Variants in ATP1B2 observed in about 807,000 individuals in gnomAD.
ATP1B2 encodes the protein ATPase Na+/K+ transporting subunit beta 2, also known as sodium/potassium-transporting ATPase subunit beta-2.
A neutral mutation model predicts 37.3 loss-of-function variants in ATP1B2; 12 were observed. The ratio of observed to expected loss-of-function variants is 0.32; its 90% CI spans 0.21 to 0.52. The LOEUF is 0.52. Ranked by LOEUF, ATP1B2 falls within the 20% of genes least tolerant of loss-of-function variation. The probability of loss-of-function intolerance (pLI) is 0.96; values close to 1 mark genes in which losing one functional copy is unlikely to be tolerated. For synonymous variants in ATP1B2, 139 were observed against 140.5 expected, an observed-to-expected ratio of 0.99 and a Z score of 0.07; for missense variants, 324 against 391.6, an observed-to-expected ratio of 0.83 and a Z score of 1.46.
rs2072665733 is a variant in ATP1B2 at position 7,657,747 on chromosome 17, A to G, written c.*1852A>G. ...TAAAATAAAATGAGAGCAATTATAT[A>G]TATAAATATATATCATACACAGAGC... On this transcript the variant is annotated 3_prime_UTR_variant, in exon 7 of 7. Transcript: ENST00000250111. 6.6e-6 allele frequency: 1 copy of G among 152,526 alleles called. No individual in the cohort carries two copies. Among genetic ancestry groups the G allele is most frequent in the South Asian group, 2.1e-4 (1 of 4,828 alleles). The allele number at this position is 152,526 out of a possible 1,614,324, so 9.4% of individuals were successfully genotyped here.
chr17:7,647,373 G>C (rs1244942905), upstream of ATP1B2, among the ~76,000 whole-genome samples: 1 of 152,174 alleles, frequency 6.6e-6, no homozygotes, highest in African/African-American at 2.4e-5. Context: ...GGAAGCTGAA[G>C]ATAGAAAAAT....
Position 7,654,802 on chromosome 17 carries a change from A to AC in ATP1B2, c.609+120dup. On this transcript the variant is annotated intron_variant, in intron 5 of 6. Coordinates refer to ENST00000250111, the MANE Select transcript of ATP1B2 (RefSeq NM_001678.5). The surrounding 1 kb of genome is among the most constrained non-coding windows in gnomAD (Gnocchi z 4.9). ...CTTCTTTGCTCCTAGAGGCCCCATCACCATAGAAACAAGGGGGTAAGAGTG... is the reference window on the plus strand; with the variant it reads ...CTTCTTTGCTCCTAGAGGCCCCATCACCCATAGAAACAAGGGGGTAAGAGTG... The AC allele has an allele frequency of 8.2e-7, 1 of 1,225,796 alleles. No individual in the cohort carries two copies. The highest frequency in any genetic ancestry group is 1.2e-6 in the Non-Finnish European group (1 of 845,420). 75.9% of individuals were successfully genotyped at this position (1,225,796 alleles called of 1,614,324 possible). A position where few individuals can be genotyped will look rare whatever the true frequency, so the allele number is the denominator to read the frequency against.
At chr17:7,648,604 T>C (rs1328713075), upstream of ATP1B2, among the ~76,000 whole-genome samples, 1 of 144,052 alleles carries the variant, frequency 6.9e-6, no homozygotes. Flanking sequence ...AAAAAGTTTA[T>C]ATTTTAGTGC....
chr17:7,657,737 G>A lies in ATP1B2; in HGVS notation c.*1842G>A, dbSNP rs1198343901. ...GAGGATTAAGTAAAATAAAATGAGA[G>A]CAATTATATATATAAATATATATCA... On this transcript the variant is annotated 3_prime_UTR_variant, in exon 7 of 7. Transcript: ENST00000250111. 1 of 152,476 alleles carries A rather than the reference G, an allele frequency of 6.6e-6. No homozygotes were observed. The highest frequency in any genetic ancestry group is 1.5e-5 in the Non-Finnish European group (1 of 68,022). 9.4% of individuals were successfully genotyped at this position (152,476 alleles called of 1,614,324 possible). A position where few individuals can be genotyped will look rare whatever the true frequency, so the allele number is the denominator to read the frequency against.
chr17:7,652,685 C>T (rs1350616191), intron 1 of ATP1B2, among the ~76,000 whole-genome samples: 1 of 152,116 alleles, frequency 6.6e-6, no homozygotes, highest in East Asian at 1.9e-4. Flanking sequence ...ACAGCCGGCC[C>T]TTGGGTCCTT....
upstream of ATP1B2, among the ~76,000 whole-genome samples, chr17:7,649,395 T>C (rs1431753947): frequency 6.6e-6 from 1 of 151,120 alleles, no homozygotes; most frequent in Admixed American, 6.6e-5. Flanking sequence ...TTTTTTTTTC[T>C]CTCTTTTTTT....
In ATP1B2 at chr17:7,655,375, C is replaced by T; in HGVS notation, c.610-152C>T. The T allele has an allele frequency of 1.4e-6, 1 of 691,586 alleles. No individual in the cohort carries two copies. The highest frequency in any genetic ancestry group is 2.5e-6 in the Non-Finnish European group (1 of 401,276). The allele number at this position is 691,586 out of a possible 1,614,324, so 42.8% of individuals were successfully genotyped here. Reference sequence around the variant, plus strand: ...TCATCTACACACGCACATGCAGACACACACACACAGACTCACAGCTCCAGG... The same window carrying T: ...TCATCTACACACGCACATGCAGACATACACACACAGACTCACAGCTCCAGG... On this transcript the variant is annotated intron_variant, in intron 5 of 6. Coordinates refer to ENST00000250111, the MANE Select transcript of ATP1B2 (RefSeq NM_001678.5). This position sits in a 1 kb window ranked among gnomAD's most constrained non-coding sequence, Gnocchi z 4.4.
rs2072640985 is a variant in ATP1B2 at position 7,655,064 on chromosome 17, AGCT to A, written c.609+385_609+387del. Among the ~76,000 whole-genome samples, 1 of 151,972 alleles carries A rather than the reference AGCT, an allele frequency of 6.6e-6. No individual in the cohort carries two copies. On this transcript the variant is annotated intron_variant, in intron 5 of 6. Transcript: ENST00000250111. This position sits in a 1 kb window ranked among gnomAD's most constrained non-coding sequence, Gnocchi z 4.4. ...CGTCAGTTCCTTCTAGGTGTCTGGT[AGCT>A]GCTGATCTGTTAGCACCATCTGCCA...
chr17:7,651,307 G>T lies in ATP1B2; in HGVS notation c.-212G>T. On this transcript the variant is annotated 5_prime_UTR_variant, in exon 1 of 7. Coordinates refer to ENST00000250111, the MANE Select transcript of ATP1B2 (RefSeq NM_001678.5). The stretch of plus-strand genomic sequence containing the variant: ...TTTTCATCGCAGTTGGGGGGCCTAG[G>T]ATCGGTGCATCTTCCGCCGCGCTGC... The T allele has an allele frequency of 1.7e-6, 1 of 574,024 alleles. No individual in the cohort carries two copies. Among genetic ancestry groups the T allele is most frequent in the South Asian group, 2.0e-5 (1 of 50,836 alleles). The allele number at this position is 574,024 out of a possible 1,614,324, so 35.6% of individuals were successfully genotyped here. A position where few individuals can be genotyped will look rare whatever the true frequency, so the allele number is the denominator to read the frequency against.
Position 7,654,005 on chromosome 17 carries a change from G to A in ATP1B2, c.347-47G>A, listed in dbSNP as rs774734165. 1 of 1,612,902 alleles carries A rather than the reference G, an allele frequency of 6.2e-7. No homozygotes were observed. Among genetic ancestry groups the A allele is most frequent in the Non-Finnish European group, 8.5e-7 (1 of 1,178,896 alleles). ...CTTCGGGCAGGGGACTGGGGACCTT[G>A]GAAGTGGAACATCTGGCCCCTGAGT... On this transcript the variant is annotated intron_variant, in intron 3 of 6. Transcript: ENST00000250111. This position sits in a 1 kb window ranked among gnomAD's most constrained non-coding sequence, Gnocchi z 4.9.
upstream of ATP1B2, among the ~76,000 whole-genome samples, chr17:7,646,977 G>A (rs146457655): frequency 1.3e-5 from 2 of 151,960 alleles, no homozygotes; most frequent in East Asian, 3.9e-4. Flanking sequence ...CAGGCATTTA[G>A]CCCGGTGAGA....
rs1329973568 is a variant in ATP1B2 at position 7,656,184 on chromosome 17, G to C, written c.*289G>C. On this transcript the variant is annotated 3_prime_UTR_variant, in exon 7 of 7. Coordinates refer to ENST00000250111, the MANE Select transcript of ATP1B2 (RefSeq NM_001678.5). ...CTTTCTAGTTCTGGTTTAGCTGTGA[G>C]AGCTATCCACTCTCCTGCCTGCATA... The C allele has an allele frequency of 6.1e-5, 28 of 458,356 alleles. No individual in the cohort carries two copies. The East Asian group carries it at 1.1e-3, about 18-fold the overall frequency. The allele number at this position is 458,356 out of a possible 1,614,324, so 28.4% of individuals were successfully genotyped here. A position where few individuals can be genotyped will look rare whatever the true frequency, so the allele number is the denominator to read the frequency against.
chr17:7,648,108 C>T (rs1255716365), upstream of ATP1B2, among the ~76,000 whole-genome samples: 2 of 150,218 alleles, frequency 1.3e-5, no homozygotes, highest in African/African-American at 2.5e-5. Flanking sequence ...GGCATGGTGG[C>T]CTGTGCCTGT....
upstream of ATP1B2, among the ~76,000 whole-genome samples, chr17:7,650,615 C>T (rs952876970): frequency 7.2e-5 from 11 of 152,274 alleles, no homozygotes; most frequent in East Asian, 1.7e-3. Context: ...GGGCCCCCAC[C>T]TTTGAGCATA....
chr17:7,650,429 T>G (rs1395271002), upstream of ATP1B2, among the ~76,000 whole-genome samples: 1 of 151,924 alleles, frequency 6.6e-6, no homozygotes, highest in Non-Finnish European at 1.5e-5. Flanking sequence ...GGGGTGGCCT[T>G]TATCCATCTC....
At chr17:7,650,402 A>G (rs1418847299), upstream of ATP1B2, among the ~76,000 whole-genome samples, 2 of 152,094 alleles carry the variant, frequency 1.3e-5, no homozygotes, top group African/African-American at 2.4e-5. Context: ...GGCTCCCAAC[A>G]GGGGAACGTC....
At chr17:7,653,808 G>T in intron 2 of ATP1B2, 33 bp from the exon 3 acceptor site, 2 of 1,600,112 alleles carry the variant, frequency 1.2e-6, no homozygotes, top group Non-Finnish European at 1.7e-6. Context: ...TCATCTTATA[G>T]ATACCCCCAA....
chr17:7,654,150 G>A lies in ATP1B2; in HGVS notation c.445G>A (p.Ala149Thr). ...DNGVLNYPKR[A>T]CQFNRTQLGN... ...TGGAGTCCTCAACTACCCCAAACGT[G>A]CCTGCCAATTCAACCGGACCCAGCT... The change falls in exon 4 of 7, where the codon GCC becomes ACC. Residue 149 changes from alanine to threonine, a missense_variant. Ala to Thr is a moderately conservative substitution (Grantham distance 58). Coordinates refer to ENST00000250111, the MANE Select transcript of ATP1B2 (RefSeq NM_001678.5). This position sits in a 1 kb window ranked among gnomAD's most constrained non-coding sequence, Gnocchi z 4.9. 1 of 1,614,154 alleles carries A rather than the reference G, an allele frequency of 6.2e-7. No homozygotes were observed. The highest frequency in any genetic ancestry group is 1.1e-5 in the South Asian group (1 of 91,080).
rs989979804 is a variant in ATP1B2, at chr17:7,651,453, G to C, written c.-66G>C. On this transcript the variant is annotated 5_prime_UTR_variant, in exon 1 of 7. Transcript: ENST00000250111. The stretch of plus-strand genomic sequence containing the variant: ...GCTTTTGGGTGTGTGGAGGGCTTCA[G>C]CGCGCGGCGCCCCCGCTTCTCCGCA... 1 of 1,435,992 alleles carries C rather than the reference G, an allele frequency of 7.0e-7. No individual in the cohort carries two copies. Among genetic ancestry groups the C allele is most frequent in the Admixed American group, 2.0e-5 (1 of 50,620 alleles). The allele number at this position is 1,435,992 out of a possible 1,614,324, so 89.0% of individuals were successfully genotyped here.
Sources: gnomAD v4.1 joint callset for allele counts (sites outside exome capture counted in the v4.1 genomes callset) on GRCh38, gnomAD v4.1.1 for gene constraint, Gnocchi (gnomAD v3.1) non-coding constraint, MANE v1.5 for transcripts, NCBI Gene and HGNC (gene_info 2026-07-23, HGNC 2026-07-21) for gene names.